UTY: variants seen among roughly 807,000 people sequenced by gnomAD.
UTY encodes the protein histone demethylase UTY.
A neutral mutation model predicts 32.5 loss-of-function variants in UTY; 12 were observed. The ratio of observed to expected loss-of-function variants is 0.37; its 90% CI spans 0.24 to 0.60. The LOEUF (loss-of-function observed/expected upper bound fraction) is 0.60. Among genes scored for constraint, UTY ranks in the 20% least tolerant of loss-of-function variants. The probability of loss-of-function intolerance (pLI) is 0.69; values close to 1 mark genes in which losing one functional copy is unlikely to be tolerated. For synonymous variants in UTY, 131 were observed against 103.4 expected, an observed-to-expected ratio of 1.27 and a Z score of -1.62; for missense variants, 303 against 299.2, an observed-to-expected ratio of 1.01 and a Z score of -0.09.
At chrY:13,234,780 A>C (rs1189461977) in exon 29 of UTY, 1 of 130,540 alleles carries the variant, frequency 7.7e-6, no homozygotes, top group Non-Finnish European at 1.6e-5. Flanking sequence ...GGGCCGCAGA[A>C]GGGAGGAAGT....
At chrY:13,452,749 C>G in intron 3 of UTY, among the ~76,000 whole-genome samples, 1 of 33,739 alleles carries the variant, frequency 3.0e-5, no homozygotes, top group Non-Finnish European at 7.4e-5. Context: ...AATGGAGGCT[C>G]AGGGATTAGT....
intron 18 of UTY, among the ~76,000 whole-genome samples, chrY:13,330,837 G>T (rs2060631837): frequency 3.0e-5 from 1 of 33,715 alleles, no homozygotes; most frequent in African/African-American, 1.2e-4. Flanking sequence ...CTTTCCTGGG[G>T]CTTCAGCAGG....
intron 6 of UTY, among the ~76,000 whole-genome samples, chrY:13,406,003 T>C (rs905580393): frequency 3.0e-5 from 1 of 33,437 alleles, no homozygotes; most frequent in Non-Finnish European, 7.5e-5. Flanking sequence ...AGCTTGCAGA[T>C]AGGGACTGCT....
intron 3 of UTY, among the ~76,000 whole-genome samples, chrY:13,465,602 C>T (rs968105794): frequency 3.0e-5 from 1 of 33,464 alleles, no homozygotes; most frequent in Non-Finnish European, 7.4e-5. Context: ...CACACACACA[C>T]ATATACTGAG....
chrY:13,360,409 C>T, intron 11 of UTY, 21 bp downstream of exon 11: 2 of 381,951 alleles, frequency 5.2e-6, no homozygotes, highest in African/African-American at 1.3e-4. Context: ...GCTTCTACTG[C>T]TTTTATATAT....
chrY:13,316,332 T>TAC (rs2059486802), intron 21 of UTY, among the ~76,000 whole-genome samples: 1 of 33,731 alleles, frequency 3.0e-5, no homozygotes, highest in African/African-American at 1.2e-4. Flanking sequence ...TTTTGAGTTT[T>TAC]ACTTGCTTCT....
At chrY:13,312,843 G>C in intron 21 of UTY, among the ~76,000 whole-genome samples, 1 of 32,852 alleles carries the variant, frequency 3.0e-5, no homozygotes, top group Non-Finnish European at 7.4e-5. Context: ...TCTCACATTA[G>C]TCAGAATGAC....
At chrY:13,425,919 G>T in intron 4 of UTY, among the ~76,000 whole-genome samples, 1 of 33,480 alleles carries the variant, frequency 3.0e-5, no homozygotes, top group Admixed American at 2.7e-4. Flanking sequence ...ACTGGAAGAG[G>T]AGGCTATTTC....
At chrY:13,306,913 A>C in intron 21 of UTY, among the ~76,000 whole-genome samples, 1 of 33,423 alleles carries the variant, frequency 3.0e-5, no homozygotes. Context: ...TTTTATGAGA[A>C]AGAATCTGTA....
chrY:13,375,385 T>C, intron 8 of UTY, among the ~76,000 whole-genome samples: 3 of 33,753 alleles, frequency 8.9e-5, no homozygotes, highest in South Asian at 1.3e-3. Context: ...CAGTTGCTTG[T>C]CTTAAATAAG....
At chrY:13,408,531 A>G (rs2070393438) in intron 6 of UTY, among the ~76,000 whole-genome samples, 1 of 32,291 alleles carries the variant, frequency 3.1e-5, no homozygotes, top group African/African-American at 1.2e-4. Flanking sequence ...TATTATACAA[A>G]TATCATGATA....
chrY:13,356,784 T>A (rs2062964689), intron 15 of UTY, among the ~76,000 whole-genome samples: 2 of 14,172 alleles, frequency 1.4e-4, no homozygotes, highest in Non-Finnish European at 2.9e-4. Flanking sequence ...GGCGACAGAG[T>A]GTGACTCTGT....
chrY:13,268,727 T>C, intron 27 of UTY, among the ~76,000 whole-genome samples: 1 of 33,606 alleles, frequency 3.0e-5, no homozygotes, highest in Non-Finnish European at 7.3e-5. Flanking sequence ...GATGTTCTTT[T>C]TGTTGATGTT....
At chrY:13,313,571 T>C in intron 21 of UTY, among the ~76,000 whole-genome samples, 1 of 33,861 alleles carries the variant, frequency 3.0e-5, no homozygotes, top group Non-Finnish European at 7.3e-5. Flanking sequence ...TTAGAAGCTG[T>C]TGATCACTTA....
At chrY:13,243,827 C>T (rs1038562328), downstream of UTY, among the ~76,000 whole-genome samples, 4 of 32,666 alleles carry the variant, frequency 1.2e-4, no homozygotes, top group Non-Finnish European at 3.0e-4. Context: ...TTACTTTTTT[C>T]GAGACAGAAT....
chrY:13,240,631 A>G (rs2053890536), intron 28 of UTY, among the ~76,000 whole-genome samples: 1 of 34,028 alleles, frequency 2.9e-5, no homozygotes, highest in South Asian at 6.5e-4. Context: ...GCTGAGCCAC[A>G]AAACACTTCT....
At chrY:13,385,912 TTTTAA>T (rs2066666951) in intron 8 of UTY, among the ~76,000 whole-genome samples, 1 of 31,653 alleles carries the variant, frequency 3.2e-5, no homozygotes, top group Non-Finnish European at 7.6e-5. Context: ...TTGTGAGCTA[TTTTAA>T]TTTCTCTAAT....
intron 8 of UTY, among the ~76,000 whole-genome samples, chrY:13,376,319 A>T: frequency 3.0e-5 from 1 of 33,414 alleles, no homozygotes; most frequent in East Asian, 7.6e-4. Flanking sequence ...TATTTTTTTC[A>T]CAAGGATGGT....
chrY:13,424,886 T>C (rs2073096547), intron 4 of UTY, among the ~76,000 whole-genome samples: 1 of 33,389 alleles, frequency 3.0e-5, no homozygotes, highest in Non-Finnish European at 7.4e-5. Flanking sequence ...TTATAGACTA[T>C]CAAAAGTAAT....
Sources: allele counts gnomAD v4.1 joint callset (sites outside exome capture counted in the v4.1 genomes callset), GRCh38; gene constraint gnomAD v4.1.1; transcripts MANE v1.5; gene names NCBI Gene and HGNC (gene_info 2026-07-23, HGNC 2026-07-21).